Variants in RIN2 observed in about 807,000 individuals in gnomAD.
The protein encoded by RIN2 is Ras and Rab interactor 2.
In RIN2, 36 loss-of-function variants were observed where a neutral mutation model predicts 78.0. The ratio of observed to expected loss-of-function variants is 0.46; its 90% CI spans 0.35 to 0.61. The LOEUF is 0.61. Ranked by LOEUF, RIN2 falls within the 20% of genes least tolerant of loss-of-function variation. RIN2 has a pLI of 0.00. For missense variants in RIN2, 1,087 were observed against 1,159.7 expected, an observed-to-expected ratio of 0.94 and a Z score of 0.91; for synonymous variants, 466 against 466.8, an observed-to-expected ratio of 1.00 and a Z score of 0.02.
At chr20:19,841,463 T>C (rs1009205142) in intron 2 of RIN2, among the ~76,000 whole-genome samples, 1 of 152,114 alleles carries the variant, frequency 6.6e-6, no homozygotes, top group Non-Finnish European at 1.5e-5. Context: ...AGGCCACCAT[T>C]GAAATGACGA....
chr20:19,778,299 C>T (rs910233508), intron 1 of RIN2, among the ~76,000 whole-genome samples: 3 of 152,216 alleles, frequency 2.0e-5, no homozygotes, highest in African/African-American at 7.2e-5. Context: ...TGAATCATGT[C>T]ACCCAATTTT....
intron 7 of RIN2, 56 bp from the exon 8 acceptor site, chr20:19,970,782 C>T: frequency 1.5e-6 from 2 of 1,338,932 alleles, no homozygotes; most frequent in Non-Finnish European, 2.1e-6. Context: ...AAAATAAACA[C>T]AAGATAGAAA....
At position 19,990,139 on chromosome 20, in the gene RIN2, G is replaced by A; in HGVS notation, c.1896G>A (p.Arg632=). The A allele has an allele frequency of 1.2e-6, 2 of 1,602,328 alleles. No individual in the cohort carries two copies. Among genetic ancestry groups the A allele is most frequent in the Middle Eastern group, 1.7e-4 (1 of 6,060 alleles). Residue 632 remains arginine (R), a synonymous_variant, in exon 10 of 13, where the codon CGG becomes CGA. Transcript: ENST00000255006. ...KQLKENLQLV[R]QRNPQELGVF... ...TCAAGGAGAACCTGCAGCTTGTGCG[G>A]CAGAGGAATCCGCAGGAGCTGGGGG...
At chr20:19,844,666 CTTCCTTCTT>C (rs1568807630) in intron 2 of RIN2, among the ~76,000 whole-genome samples, 3 of 131,314 alleles carry the variant, frequency 2.3e-5, no homozygotes, top group Non-Finnish European at 3.2e-5. Flanking sequence ...TCTTCTTCTT[CTTCCTTCTT>C]CTTCTTCTTC....
In RIN2 at chr20:19,792,577, C is replaced by T. The variant is rs57828584; in HGVS notation, c.-162-7045C>T. ...GGTGCCTGCCATTGAGGACTTAGCGCACACATGGGGAGGTGAGGCAAGAGC... is the reference window on the plus strand; with the variant it reads ...GGTGCCTGCCATTGAGGACTTAGCGTACACATGGGGAGGTGAGGCAAGAGC... On this transcript the variant is annotated intron_variant, in intron 1 of 12. Transcript: ENST00000255006. 3.5e-3 allele frequency among the ~76,000 whole-genome samples: 528 copies of T among 152,156 alleles called. 4 individuals are homozygous for T. The highest frequency in any genetic ancestry group is 0.012 in the African/African-American group (497 of 41,500).
intron 9 of RIN2, among the ~76,000 whole-genome samples, chr20:19,989,300 G>A (rs184411971): frequency 3.0e-5 from 4 of 132,680 alleles, no homozygotes; most frequent in Non-Finnish European, 6.2e-5. Context: ...TTGAGATGGA[G>A]TATCACTCTG....
chr20:19,885,227 A>G (rs1246272771), intron 2 of RIN2, among the ~76,000 whole-genome samples: 1 of 152,194 alleles, frequency 6.6e-6, no homozygotes, highest in African/African-American at 2.4e-5. Context: ...ATAGCATAAA[A>G]TAGGAAGCTG....
intron 4 of RIN2, among the ~76,000 whole-genome samples, chr20:19,937,576 G>A (rs1042989635): frequency 2.0e-4 from 31 of 152,186 alleles, no homozygotes; most frequent in African/African-American, 7.0e-4. Context: ...GTTAGTGTTT[G>A]GTTGCTCTTT....
In RIN2 at chr20:20,000,636, G is replaced by A. The variant is rs768190504; in HGVS notation, c.2388G>A (p.Gln796=). The change falls in exon 13 of 13, where the codon CAG becomes CAA. Residue 796 remains glutamine, a synonymous_variant. Coordinates refer to ENST00000255006, the MANE Select transcript of RIN2 (RefSeq NM_018993.4). ...DFQNYLRVAF[Q]EVNSGCTGKT... Reference sequence around the variant, plus strand: ...AGAATTACCTCCGAGTTGCATTTCAGGAGGTCAACAGTGGTTGCACAGGAA... The same window carrying A: ...AGAATTACCTCCGAGTTGCATTTCAAGAGGTCAACAGTGGTTGCACAGGAA... The A allele has an allele frequency of 4.4e-6, 7 of 1,598,672 alleles. No individual in the cohort carries two copies. The highest frequency in any genetic ancestry group is 6.0e-6 in the Non-Finnish European group (7 of 1,168,382).
At chr20:19,855,403 A>C (rs927408310) in intron 2 of RIN2, among the ~76,000 whole-genome samples, 9 of 152,156 alleles carry the variant, frequency 5.9e-5, no homozygotes, top group Admixed American at 4.6e-4. Context: ...CATAAAATGA[A>C]TTAGGGAGGA....
chr20:19,858,653 T>A (rs969475044), intron 2 of RIN2, among the ~76,000 whole-genome samples: 2 of 152,230 alleles, frequency 1.3e-5, no homozygotes, highest in African/African-American at 4.8e-5. Context: ...TGATAATCCC[T>A]TCTTGACCAT....
At chr20:19,903,361 G>A (rs2039072918) in intron 3 of RIN2, among the ~76,000 whole-genome samples, 1 of 152,186 alleles carries the variant, frequency 6.6e-6, no homozygotes. Context: ...TTTCTGTTCT[G>A]TCATTTCAGA....
At chr20:19,768,072 T>A (rs2033964451) in intron 1 of RIN2, among the ~76,000 whole-genome samples, 1 of 152,120 alleles carries the variant, frequency 6.6e-6, no homozygotes, top group African/African-American at 2.4e-5. Flanking sequence ...GAGAGCGTCA[T>A]GTCCCAATGA....
chr20:19,924,424 T>C (rs111212268), intron 3 of RIN2, among the ~76,000 whole-genome samples: 18 of 5,296 alleles, frequency 3.4e-3, no homozygotes, highest in East Asian at 0.036. Context: ...ATAACCCTAC[T>C]TTCATACCCC....
intron 2 of RIN2, among the ~76,000 whole-genome samples, chr20:19,801,774 A>G (rs2035251078): frequency 1.3e-5 from 2 of 152,174 alleles, no homozygotes; most frequent in South Asian, 4.1e-4. Flanking sequence ...ATAAACACCA[A>G]AGAGCATTAG....
At chr20:19,788,684 A>C (rs1387819207) in intron 1 of RIN2, among the ~76,000 whole-genome samples, 1 of 152,122 alleles carries the variant, frequency 6.6e-6, no homozygotes, top group Admixed American at 6.6e-5. Flanking sequence ...AGAAAATGTG[A>C]TCTACAGTAC....
intron 2 of RIN2, among the ~76,000 whole-genome samples, chr20:19,881,876 A>G (rs1307224198): frequency 4.6e-5 from 7 of 152,222 alleles, no homozygotes; most frequent in Non-Finnish European, 7.3e-5. Flanking sequence ...TAGAATTTCA[A>G]TACTCCATTG....
chr20:19,791,081 A>G (rs2034876136), intron 1 of RIN2, among the ~76,000 whole-genome samples: 3 of 152,260 alleles, frequency 2.0e-5, no homozygotes, highest in Non-Finnish European at 4.4e-5. Context: ...TGGCCCACAA[A>G]GAAAAACAGG....
chr20:19,921,640 C>T (rs908947273), intron 3 of RIN2, among the ~76,000 whole-genome samples: 3 of 152,124 alleles, frequency 2.0e-5, no homozygotes, highest in Non-Finnish European at 4.4e-5. Flanking sequence ...ACCCACCGAG[C>T]GGCGCCAAGC....
Sources: gnomAD v4.1 joint callset for allele counts (sites outside exome capture counted in the v4.1 genomes callset) on GRCh38, gnomAD v4.1.1 for gene constraint, MANE v1.5 for transcripts, NCBI Gene and HGNC (gene_info 2026-07-23, HGNC 2026-07-21) for gene names.